Variants in PLEKHH2 observed in about 807,000 individuals in gnomAD.
PLEKHH2 encodes the protein pleckstrin homology, MyTH4 and FERM domain containing H2.
Under a neutral mutation model 187.9 loss-of-function variants are expected in PLEKHH2, and 129 were observed. The ratio of observed to expected loss-of-function variants is 0.69; its 90% CI spans 0.59 to 0.79. PLEKHH2 has a LOEUF of 0.79. Ranked by LOEUF, PLEKHH2 falls within the 30% of genes least tolerant of loss-of-function variation. The pLI is 0.00. For synonymous variants in PLEKHH2, 686 were observed against 605.6 expected (o/e 1.13, Z -1.95); for missense variants, 2,076 against 1,751.2 (o/e 1.19, Z -3.31).
chr2:43,718,324 G>A (rs1055667134), intron 15 of PLEKHH2, among the ~76,000 whole-genome samples: 6 of 152,090 alleles, frequency 3.9e-5, no homozygotes, highest in African/African-American at 1.2e-4. Flanking sequence ...CAGATCACAA[G>A]GTCAAGAGAT....
At chr2:43,720,556 C>T (rs908309150) in intron 15 of PLEKHH2, 113 bp from the exon 16 acceptor site, 5 of 1,516,072 alleles carry the variant, frequency 3.3e-6, no homozygotes, top group Non-Finnish European at 3.5e-6. Context: ...TGGAATATCA[C>T]TTATATCTGG....
intron 7 of PLEKHH2, among the ~76,000 whole-genome samples, chr2:43,699,382 C>G (rs948367443): frequency 5.3e-5 from 8 of 151,970 alleles, no homozygotes; most frequent in African/African-American, 1.9e-4. Context: ...TTGGTTTATT[C>G]CTTTAAAAAA....
At chr2:43,713,062 A>G (rs1670044077) in intron 15 of PLEKHH2, among the ~76,000 whole-genome samples, 1 of 151,868 alleles carries the variant, frequency 6.6e-6, no homozygotes, top group Non-Finnish European at 1.5e-5. Context: ...GTGTTAACTT[A>G]GCCAATAATT....
intron 2 of PLEKHH2, among the ~76,000 whole-genome samples, chr2:43,667,539 C>T (rs936422295): frequency 2.0e-5 from 3 of 152,166 alleles, no homozygotes; most frequent in Admixed American, 2.0e-4. Flanking sequence ...CGCAAAAGCT[C>T]ATCAACTAAC....
chr2:43,637,552 T>A (rs1007400442), intron 1 of PLEKHH2, among the ~76,000 whole-genome samples, 173 bp downstream of exon 1: 5 of 152,180 alleles, frequency 3.3e-5, no homozygotes. Context: ...GATCCGCCGC[T>A]GCACCTCCCG....
At chr2:43,675,189 C>G (rs1467248576) in intron 2 of PLEKHH2, 3 of 434,836 alleles carry the variant, frequency 6.9e-6, no homozygotes, top group Non-Finnish European at 8.0e-6. Context: ...GCAAAATATC[C>G]AAAACATTAT....
intron 2 of PLEKHH2, among the ~76,000 whole-genome samples, chr2:43,658,154 G>GA (rs1456153681): frequency 6.6e-6 from 1 of 152,018 alleles, no homozygotes; most frequent in Non-Finnish European, 1.5e-5. Context: ...CATTATACAG[G>GA]GAGTGTACTT....
Position 43,683,244 on chromosome 2 carries a change from CA to C in PLEKHH2, c.186+4321del, listed in dbSNP as rs570124711. 1.2e-4 allele frequency among the ~76,000 whole-genome samples: 17 copies of C among 142,116 alleles called. No individual in the cohort carries two copies. In the East Asian group the frequency reaches 3.4e-3, roughly 28 times the overall value. 93.2% of individuals were successfully genotyped at this position (142,116 alleles called of 152,430 possible). A position where few individuals can be genotyped will look rare whatever the true frequency, so the allele number is the denominator to read the frequency against. ...CACCACAACCTCCGCCTCCCACGTTCAAGCCATTCTCCTGCCTCAGCCTCCC... is the reference window on the plus strand; with the variant it reads ...CACCACAACCTCCGCCTCCCACGTTCAGCCATTCTCCTGCCTCAGCCTCCC... On this transcript the variant is annotated intron_variant, in intron 3 of 29. Coordinates refer to ENST00000282406, the MANE Select transcript of PLEKHH2 (RefSeq NM_172069.4).
Position 43,697,271 on chromosome 2 carries a change from G to T in PLEKHH2, c.603G>T (p.Arg201Ser). The part of the protein sequence containing the change: ...LTFGCFLSRA[R>S]SPPQVVKSEE... ...TTGGGTGCTTTTTATCTCGAGCAAGGAGTCCTCCTCAAGTAGTAAAATCTG... is the reference window on the plus strand; with the variant it reads ...TTGGGTGCTTTTTATCTCGAGCAAGTAGTCCTCCTCAAGTAGTAAAATCTG... Residue 201 changes from arginine to serine, a missense_variant, in exon 7 of 30, where the codon AGG becomes AGT. Arg to Ser is a moderately radical substitution (Grantham distance 110). Transcript: ENST00000282406. 5 of 1,613,872 alleles carry T rather than the reference G, an allele frequency of 3.1e-6. No individual in the cohort carries two copies. The highest frequency in any genetic ancestry group is 4.2e-6 in the Non-Finnish European group (5 of 1,179,798).
At chr2:43,684,570 G>T (rs1052001723) in intron 3 of PLEKHH2, among the ~76,000 whole-genome samples, 13 of 151,886 alleles carry the variant, frequency 8.6e-5, no homozygotes, top group Non-Finnish European at 1.6e-4. Context: ...AATTCCTTGG[G>T]TCTTATGAGA....
rs115951181 is a variant in PLEKHH2, at chr2:43,732,665, T to A, written c.2943+1063T>A. 8.0e-3 allele frequency among the ~76,000 whole-genome samples: 1,212 copies of A among 152,346 alleles called. 18 individuals carry two copies. The highest frequency in any genetic ancestry group is 0.027 in the African/African-American group (1,130 of 41,584). On this transcript the variant is annotated intron_variant, in intron 19 of 29. Transcript: ENST00000282406. ...TTTACTCTTCCACTTTTTCTTCATC[T>A]CTAAGACCTTTGTTTTGAACCATTA...
intron 3 of PLEKHH2, among the ~76,000 whole-genome samples, chr2:43,682,864 T>C (rs2104439552): frequency 6.6e-6 from 1 of 152,284 alleles, no homozygotes; most frequent in South Asian, 2.1e-4. Context: ...TTTAGCAGAA[T>C]GTTTTTGATA....
intron 3 of PLEKHH2, among the ~76,000 whole-genome samples, chr2:43,690,099 C>G (rs899772040): frequency 6.6e-6 from 1 of 152,170 alleles, no homozygotes; most frequent in Non-Finnish European, 1.5e-5. Flanking sequence ...CTCTGCTCCT[C>G]GTTCCCTGCT....
At chr2:43,724,175 A>G (rs929286207) in intron 16 of PLEKHH2, among the ~76,000 whole-genome samples, 7 of 152,184 alleles carry the variant, frequency 4.6e-5, no homozygotes, top group African/African-American at 9.7e-5. Context: ...TTGAAATGCT[A>G]TCCAACATCT....
At chr2:43,677,499 G>C (rs1460967318) in intron 2 of PLEKHH2, among the ~76,000 whole-genome samples, 1 of 152,010 alleles carries the variant, frequency 6.6e-6, no homozygotes, top group African/African-American at 2.4e-5. Context: ...ATGTTTCAGA[G>C]AGCACAGGGT....
chr2:43,716,971 A>G (rs987014018), intron 15 of PLEKHH2, among the ~76,000 whole-genome samples: 1 of 152,246 alleles, frequency 6.6e-6, no homozygotes, highest in African/African-American at 2.4e-5. Flanking sequence ...AAGCAAAGGA[A>G]TACAGCATAA....
chr2:43,690,955 TA>T (rs1558497157), intron 3 of PLEKHH2, among the ~76,000 whole-genome samples: 6 of 152,202 alleles, frequency 3.9e-5, no homozygotes, highest in African/African-American at 1.4e-4. Flanking sequence ...TGAATAGACT[TA>T]TATTATCCAT....
chr2:43,722,255 CA>C (rs5830768), intron 16 of PLEKHH2, among the ~76,000 whole-genome samples: 32,125 of 123,384 alleles, frequency 0.26, 3,426 homozygotes, highest in Non-Finnish European at 0.29. Flanking sequence ...GACCCTATCT[CA>C]AAAAAAAAAA....
At chr2:43,745,812 A>G (rs1023162546) in intron 23 of PLEKHH2, 54 bp from the exon 24 acceptor site, 11 of 1,389,264 alleles carry the variant, frequency 7.9e-6, no homozygotes, top group Admixed American at 4.0e-5. Flanking sequence ...CTTGTCTTCA[A>G]AAAATGTTGA....
Sources: gnomAD v4.1 joint callset for allele counts (sites outside exome capture counted in the v4.1 genomes callset) on GRCh38, gnomAD v4.1.1 for gene constraint, MANE v1.5 for transcripts, NCBI Gene and HGNC (gene_info 2026-07-23, HGNC 2026-07-21) for gene names.